WDR35: variants seen among roughly 807,000 people sequenced by gnomAD.
The protein encoded by WDR35 is WD repeat-containing protein 35.
In WDR35, 118 loss-of-function variants were observed where a neutral mutation model predicts 158.3. The observed-to-expected ratio is 0.75, with a 90% CI of 0.64 to 0.87. The LOEUF is 0.87. WDR35 is among the 40% of genes least tolerant of loss of function. WDR35 has a pLI of 0.00. For missense variants in WDR35, 1,263 were observed against 1,405.8 expected (o/e 0.90, Z 1.62); for synonymous variants, 448 against 476.1 (o/e 0.94, Z 0.77).
chr2:19,984,050 C>T (rs77096369), intron 2 of WDR35, among the ~76,000 whole-genome samples: 98 of 24,470 alleles, frequency 4.0e-3, no homozygotes, highest in African/African-American at 0.03. Flanking sequence ...TACATATATA[C>T]ACACACCCAC....
intron 24 of WDR35, among the ~76,000 whole-genome samples, chr2:19,930,909 T>C (rs746223905): frequency 2.0e-5 from 3 of 152,198 alleles, no homozygotes; most frequent in Non-Finnish European, 4.4e-5. Context: ...TATAACTAAT[T>C]AGATTCTAAG....
At chr2:19,978,971 T>C in intron 4 of WDR35, 92 bp from the exon 5 acceptor site, 1 of 1,528,950 alleles carries the variant, frequency 6.5e-7, no homozygotes, top group Non-Finnish European at 8.9e-7. Flanking sequence ...AAGTACGCCA[T>C]GGGACAAATA....
intron 5 of WDR35, among the ~76,000 whole-genome samples, chr2:19,976,965 G>C (rs1048404454): frequency 2.0e-5 from 3 of 151,962 alleles, no homozygotes; most frequent in Non-Finnish European, 4.4e-5. Context: ...GACTACAGGA[G>C]TATGCCACCA....
At chr2:19,943,138 C>T (rs1427822939) in intron 16 of WDR35, among the ~76,000 whole-genome samples, 1 of 152,038 alleles carries the variant, frequency 6.6e-6, no homozygotes, top group African/African-American at 2.4e-5. Flanking sequence ...GCTTAAAAAG[C>T]TTCTTGCAAA....
rs957614 is a variant in WDR35 at position 19,913,035 on chromosome 2, C to T, written c.*523G>A. On this transcript the variant is annotated 3_prime_UTR_variant, in exon 27 of 27. Coordinates refer to ENST00000281405, the MANE Select transcript of WDR35 (RefSeq NM_020779.4). The stretch of plus-strand genomic sequence containing the variant: ...TGTAAAAAATGTCTTAAAATGCCAT[C>T]GCCTCACTTCTGAAAATACAATAAA... 38,688 of 152,368 alleles carry T rather than the reference C, an allele frequency of 0.25. 4,976 individuals carry two copies. The highest frequency in any genetic ancestry group is 0.26 in the African/African-American group (10,580 of 41,480). The allele number at this position is 152,368 out of a possible 1,614,324, so 9.4% of individuals were successfully genotyped here. A position where few individuals can be genotyped will look rare whatever the true frequency, so the allele number is the denominator to read the frequency against.
At chr2:19,921,707 C>A (rs1670173055) in intron 25 of WDR35, among the ~76,000 whole-genome samples, 1 of 152,136 alleles carries the variant, frequency 6.6e-6, no homozygotes, top group South Asian at 2.1e-4. Context: ...GCAGTGGCAA[C>A]AAAAGCCAAA....
intron 5 of WDR35, among the ~76,000 whole-genome samples, chr2:19,978,332 T>C (rs1199848784): frequency 2.6e-5 from 4 of 152,172 alleles, no homozygotes; most frequent in Non-Finnish European, 5.9e-5. Flanking sequence ...TATCTATTAC[T>C]AGAATTTGAA....
intron 21 of WDR35, 77 bp downstream of exon 21, chr2:19,935,394 G>T (rs1670660150): frequency 6.8e-7 from 1 of 1,480,122 alleles, no homozygotes; most frequent in East Asian, 2.3e-5. Context: ...TTTATTGTGG[G>T]AGATATTTCC....
chr2:19,974,703 G>A, intron 6 of WDR35, 70 bp from the exon 7 acceptor site: 1 of 1,415,062 alleles, frequency 7.1e-7, no homozygotes, highest in Admixed American at 2.2e-5. Flanking sequence ...ATACTCAATA[G>A]AGTATTGTAG....
rs1558365327 is a variant in WDR35 at position 19,987,896 on chromosome 2, A to ATATACACACGTATATATATATC, written c.142+1268_142+1269insGATATATATATACGTGTGTATA. ...TATGTATATACAGACACACATATAT[A>ATATACACACGTATATATATATC]TATATACACACGTATATATATATCT... On this transcript the variant is annotated intron_variant, in intron 2 of 26. Transcript: ENST00000281405. Among the ~76,000 whole-genome samples the ATATACACACGTATATATATATC allele has an allele frequency of 1.1e-4, 17 of 150,756 alleles. No individual in the cohort carries two copies. In the South Asian group the frequency reaches 2.3e-3, roughly 20 times the overall value.
At chr2:19,920,438 A>G (rs1320624274) in intron 25 of WDR35, among the ~76,000 whole-genome samples, 1 of 152,232 alleles carries the variant, frequency 6.6e-6, no homozygotes. Flanking sequence ...ACGCAAATCA[A>G]TAAATATAAT....
Position 19,938,284 on chromosome 2 carries a change from T to G in WDR35, c.2044A>C (p.Asn682His). Reference protein sequence around the residue: ...IKDASQFIEDNPHPRLWRLLA... With the variant: ...IKDASQFIEDHPHPRLWRLLA... Reference sequence around the variant, plus strand: ...AAATACCAAAGTCGGGGGTGTGGATTGTCCTCTATGAACTGAGATGCATCT... The same window carrying G: ...AAATACCAAAGTCGGGGGTGTGGATGGTCCTCTATGAACTGAGATGCATCT... Residue 682 changes from asparagine to histidine, a missense_variant, in exon 18 of 27, where the codon AAT becomes CAT. Coordinates refer to ENST00000281405, the MANE Select transcript of WDR35 (RefSeq NM_020779.4). The G allele has an allele frequency of 6.2e-7, 1 of 1,614,048 alleles. No individual in the cohort carries two copies. Among genetic ancestry groups the G allele is most frequent in the Non-Finnish European group, 8.5e-7 (1 of 1,180,000 alleles).
chr2:19,963,049 GT>G (rs1671715633), intron 10 of WDR35, among the ~76,000 whole-genome samples: 1 of 152,018 alleles, frequency 6.6e-6, no homozygotes, highest in South Asian at 2.1e-4. Flanking sequence ...ACTGCTACTT[GT>G]TTTATTTCAA....
intron 11 of WDR35, among the ~76,000 whole-genome samples, chr2:19,956,284 C>G (rs1292243870): frequency 6.6e-6 from 1 of 152,156 alleles, no homozygotes; most frequent in Non-Finnish European, 1.5e-5. Context: ...CCAATGTTTA[C>G]CTACAATTAT....
At chr2:19,975,388 T>C (rs991217759) in intron 6 of WDR35, 142 bp downstream of exon 6, 29 of 1,098,972 alleles carry the variant, frequency 2.6e-5, no homozygotes, top group Non-Finnish European at 3.3e-5. Context: ...ATTTAGACGA[T>C]TGGGAAAAAG....
chr2:19,952,462 A>G (rs138521953), intron 12 of WDR35, among the ~76,000 whole-genome samples: 23 of 152,354 alleles, frequency 1.5e-4, no homozygotes, highest in African/African-American at 5.5e-4. Context: ...CACATATCCC[A>G]GACAGAAACA....
At chr2:19,954,046 C>T in intron 11 of WDR35, 68 bp from the exon 12 acceptor site, 1 of 1,585,366 alleles carries the variant, frequency 6.3e-7, no homozygotes, top group Non-Finnish European at 8.6e-7. Context: ...CTGCAAAGGC[C>T]TTTAGTAATC....
intron 4 of WDR35, among the ~76,000 whole-genome samples, chr2:19,979,475 G>A (rs560358420): frequency 7.9e-5 from 12 of 152,178 alleles, no homozygotes; most frequent in East Asian, 5.8e-4. Flanking sequence ...CTCTAATGCC[G>A]AATGACAAAA....
intron 16 of WDR35, among the ~76,000 whole-genome samples, chr2:19,945,475 GTTTTC>G (rs968223892): frequency 7.2e-5 from 11 of 152,036 alleles, no homozygotes; most frequent in African/African-American, 1.2e-4. Flanking sequence ...TACTGATTTT[GTTTTC>G]TTAAGTTTGA....
Sources: gnomAD v4.1 joint callset for allele counts (sites outside exome capture counted in the v4.1 genomes callset) on GRCh38, gnomAD v4.1.1 for gene constraint, MANE v1.5 for transcripts, NCBI Gene and HGNC (gene_info 2026-07-23, HGNC 2026-07-21) for gene names.